SRF: variants seen among roughly 807,000 people sequenced by gnomAD.
SRF encodes serum response factor, also known as c-fos serum response element-binding transcription factor.
A neutral mutation model predicts 37.1 loss-of-function variants in SRF; 7 were observed. The ratio of observed to expected loss-of-function variants is 0.19; its 90% CI spans 0.11 to 0.35. The LOEUF is 0.35. Ranked by LOEUF, SRF falls within the 10% of genes least tolerant of loss-of-function variation. The pLI is 1.00. For synonymous variants in SRF, 285 were observed against 310.1 expected (o/e 0.92, Z 0.85); for missense variants, 395 against 694.4 (o/e 0.57, Z 4.85).
At position 43,181,028 on chromosome 6, in the gene SRF, G is replaced by C. The variant is rs996983392; in HGVS notation, c.*1838G>C. 6.6e-6 allele frequency: 1 copy of C among 152,602 alleles called. No individual in the cohort carries two copies. Among genetic ancestry groups the C allele is most frequent in the African/African-American group, 2.4e-5 (1 of 41,400 alleles). The allele number at this position is 152,602 out of a possible 1,614,324, so 9.5% of individuals were successfully genotyped here. A position where few individuals can be genotyped will look rare whatever the true frequency, so the allele number is the denominator to read the frequency against. ...GCAAATCAGGGGCCAGAGAGCAGGG[G>C]AGCTTGGGACTCAGGTCTGTAACTG... On this transcript the variant is annotated 3_prime_UTR_variant, in exon 7 of 7. Coordinates refer to ENST00000265354, the MANE Select transcript of SRF (RefSeq NM_003131.4).
In SRF at chr6:43,171,499, G is replaced by A; in HGVS notation, c.-158G>A. The A allele has an allele frequency of 1.3e-6, 1 of 779,458 alleles. No individual in the cohort carries two copies. The highest frequency in any genetic ancestry group is 6.3e-5 in the South Asian group (1 of 15,904). The allele number at this position is 779,458 out of a possible 1,614,324, so 48.3% of individuals were successfully genotyped here. A position where few individuals can be genotyped will look rare whatever the true frequency, so the allele number is the denominator to read the frequency against. On this transcript the variant is annotated 5_prime_UTR_variant, in exon 1 of 7. Transcript: ENST00000265354. The surrounding 1 kb of genome is among the most constrained non-coding windows in gnomAD (Gnocchi z 6.5). ...GGAAAGTGAGGGCCCAGGTCGGCCCGGGCGTGCAGGGGCCCCGGGTTCGCA... is the reference window on the plus strand; with the variant it reads ...GGAAAGTGAGGGCCCAGGTCGGCCCAGGCGTGCAGGGGCCCCGGGTTCGCA...
rs1478299415 is a variant in SRF, at chr6:43,172,367, C to T, written c.513+198C>T. ...GGAAATGTGGGGAGAGGGGAGATCC[C>T]GCGAACGCTCGCAACCGTGGGGAAA... On this transcript the variant is annotated intron_variant, in intron 1 of 6. Transcript: ENST00000265354. This position sits in a 1 kb window ranked among gnomAD's most constrained non-coding sequence, Gnocchi z 5.7. 5 of 985,134 alleles carry T rather than the reference C, an allele frequency of 5.1e-6. No homozygotes were observed. The African/African-American group carries it at 8.7e-5, about 17-fold the overall frequency. The allele number at this position is 985,134 out of a possible 1,614,324, so 61.0% of individuals were successfully genotyped here.
rs1167396470 is a variant in SRF, at chr6:43,179,662, CAG to C, written c.*473_*474del. On this transcript the variant is annotated 3_prime_UTR_variant, in exon 7 of 7. Transcript: ENST00000265354. The surrounding 1 kb of genome is among the most constrained non-coding windows in gnomAD (Gnocchi z 5.3). ...TCAAAAGAGCCCTGGCTCTGCCCCT[CAG>C]GGGGCCAGCTGGGGAGATGGGGGCT... The C allele has an allele frequency of 5.4e-6, 1 of 183,802 alleles. No homozygotes were observed. The highest frequency in any genetic ancestry group is 1.2e-5 in the Non-Finnish European group (1 of 85,532). The allele number at this position is 183,802 out of a possible 1,614,324, so 11.4% of individuals were successfully genotyped here. A position where few individuals can be genotyped will look rare whatever the true frequency, so the allele number is the denominator to read the frequency against.
rs760651185 is a variant in SRF at position 43,171,356 on chromosome 6, C to T, written c.-301C>T. ...TCCCGGCCCCCTCCACCCGCCGTCT[C>T]GGCCGCGGCCAGCAGCCCCTGCCCC... On this transcript the variant is annotated 5_prime_UTR_variant, in exon 1 of 7. Coordinates refer to ENST00000265354, the MANE Select transcript of SRF (RefSeq NM_003131.4). This position sits in a 1 kb window ranked among gnomAD's most constrained non-coding sequence, Gnocchi z 6.5. The T allele has an allele frequency of 1.3e-3, 249 of 194,946 alleles. 2 individuals are homozygous for T. Among genetic ancestry groups the T allele is most frequent in the Non-Finnish European group, 2.0e-3 (198 of 96,722 alleles). The allele number at this position is 194,946 out of a possible 1,614,324, so 12.1% of individuals were successfully genotyped here. A position where few individuals can be genotyped will look rare whatever the true frequency, so the allele number is the denominator to read the frequency against.
chr6:43,172,353 G>T lies in SRF; in HGVS notation c.513+184G>T. ...GGAGGGGCCGCCGGGGAAATGTGGG[G>T]AGAGGGGAGATCCCGCGAACGCTCG... is the stretch of plus-strand genomic sequence containing the variant. On this transcript the variant is annotated intron_variant, in intron 1 of 6. Transcript: ENST00000265354. The surrounding 1 kb of genome is among the most constrained non-coding windows in gnomAD (Gnocchi z 5.7). 1 of 985,296 alleles carries T rather than the reference G, an allele frequency of 1.0e-6. No individual in the cohort carries two copies. The highest frequency in any genetic ancestry group is 1.2e-6 in the Non-Finnish European group (1 of 829,880). The allele number at this position is 985,296 out of a possible 1,614,324, so 61.0% of individuals were successfully genotyped here. A position where few individuals can be genotyped will look rare whatever the true frequency, so the allele number is the denominator to read the frequency against.
At position 43,179,083 on chromosome 6, in the gene SRF, C is replaced by T; in HGVS notation, c.1432-12C>T. 2 of 1,613,936 alleles carry T rather than the reference C, an allele frequency of 1.2e-6. No homozygotes were observed. The highest frequency in any genetic ancestry group is 1.3e-5 in the African/African-American group (1 of 75,066). On this transcript the variant is annotated splice_polypyrimidine_tract_variant and intron_variant, in intron 6 of 6. Transcript: ENST00000265354. The surrounding 1 kb of genome is among the most constrained non-coding windows in gnomAD (Gnocchi z 5.3). ...AGTCCCTGCCCCTCCTCATACATCC[C>T]CTTCCCTCCAGATGGCTGTGATAGG...
chr6:43,177,942 T>G (rs183252794), intron 4 of SRF, among the ~76,000 whole-genome samples: 44 of 145,812 alleles, frequency 3.0e-4, no homozygotes, highest in Non-Finnish European at 5.6e-4. Flanking sequence ...GGAGGGAGAA[T>G]GAGAACAAAT....
In SRF at chr6:43,179,151, G is replaced by A. The variant is rs1265840112; in HGVS notation, c.1488G>A (p.Val496=). ...GCAGCAACCTCACCGAGCTACAGGT[G>A]GTGAACCTGGACACCGCCCACAGCA... ...GSSSNLTELQ[V]VNLDTAHSTK... The change falls in exon 7 of 7, where the codon GTG becomes GTA. Residue 496 remains valine (V), a synonymous_variant. Transcript: ENST00000265354. This position sits in a 1 kb window ranked among gnomAD's most constrained non-coding sequence, Gnocchi z 5.3. 1 of 1,614,240 alleles carries A rather than the reference G, an allele frequency of 6.2e-7. No individual in the cohort carries two copies.
At position 43,171,517 on chromosome 6, in the gene SRF, G is replaced by T; in HGVS notation, c.-140G>T. 1 of 984,594 alleles carries T rather than the reference G, an allele frequency of 1.0e-6. No homozygotes were observed. Among genetic ancestry groups the T allele is most frequent in the South Asian group, 5.0e-5 (1 of 20,018 alleles). 61.0% of individuals were successfully genotyped at this position (984,594 alleles called of 1,614,324 possible). On this transcript the variant is annotated 5_prime_UTR_variant, in exon 1 of 7. Coordinates refer to ENST00000265354, the MANE Select transcript of SRF (RefSeq NM_003131.4). This position sits in a 1 kb window ranked among gnomAD's most constrained non-coding sequence, Gnocchi z 6.5. ...TCGGCCCGGGCGTGCAGGGGCCCCG[G>T]GTTCGCAGCGGCGGCCGCGGCAGCG...
rs546189101 is a variant in SRF at position 43,179,591 on chromosome 6, C to T, written c.*401C>T. 8.0e-6 allele frequency: 2 copies of T among 250,856 alleles called. No individual in the cohort carries two copies. The highest frequency in any genetic ancestry group is 4.4e-5 in the African/African-American group (2 of 44,978). The allele number at this position is 250,856 out of a possible 1,614,324, so 15.5% of individuals were successfully genotyped here. A position where few individuals can be genotyped will look rare whatever the true frequency, so the allele number is the denominator to read the frequency against. ...GAAGCAGTTGGGGCCCTCTTGCCAG[C>T]CTCCTTGCTGACCCCAGGTCAGCCC... On this transcript the variant is annotated 3_prime_UTR_variant, in exon 7 of 7. Coordinates refer to ENST00000265354, the MANE Select transcript of SRF (RefSeq NM_003131.4). This position sits in a 1 kb window ranked among gnomAD's most constrained non-coding sequence, Gnocchi z 5.3.
chr6:43,178,471 A>G lies in SRF; in HGVS notation c.1340A>G (p.Gln447Arg), dbSNP rs1160926538. 2 of 1,613,464 alleles carry G rather than the reference A, an allele frequency of 1.2e-6. No individual in the cohort carries two copies. Among genetic ancestry groups the G allele is most frequent in the South Asian group, 1.1e-5 (1 of 91,072 alleles). The change falls in exon 5 of 7, where the codon CAG (glutamine) becomes CGG (arginine). Residue 447 changes from glutamine to arginine, a missense_variant. Gln to Arg is a conservative substitution (Grantham distance 43, BLOSUM62 1). Transcript: ENST00000265354. The surrounding 1 kb of genome is among the most constrained non-coding windows in gnomAD (Gnocchi z 4.3). ...TCCACCATGCAGGTGTCACACAGCC[A>G]GGTCCAGGAGCCAGGTGAGTAGAGG... ...APSTMQVSHS[Q>R]VQEPGGVPQV...
At chr6:43,174,232 G>C (rs150385837) in intron 2 of SRF, 119 bp downstream of exon 2, 1 of 1,303,118 alleles carries the variant, frequency 7.7e-7, no homozygotes, top group Admixed American at 2.4e-5. Context: ...AACGACCCTC[G>C]TCCTAGGGGA....
In SRF at chr6:43,172,797, T is replaced by C. The variant is rs778233228; in HGVS notation, c.513+628T>C. 2.0e-5 allele frequency among the ~76,000 whole-genome samples: 3 copies of C among 152,150 alleles called. No individual in the cohort carries two copies. Among genetic ancestry groups the C allele is most frequent in the African/African-American group, 7.2e-5 (3 of 41,432 alleles). ...GCATCCACTGGGAACCACATGCTCC[T>C]GGCAGGACCCGCTGCAGAATCTCCT... On this transcript the variant is annotated intron_variant, in intron 1 of 6. Transcript: ENST00000265354. The surrounding 1 kb of genome is among the most constrained non-coding windows in gnomAD (Gnocchi z 5.7).
chr6:43,178,564 T>C lies in SRF; in HGVS notation c.1354+79T>C. 1 of 1,470,740 alleles carries C rather than the reference T, an allele frequency of 6.8e-7. No individual in the cohort carries two copies. Among genetic ancestry groups the C allele is most frequent in the Non-Finnish European group, 9.3e-7 (1 of 1,073,570 alleles). The allele number at this position is 1,470,740 out of a possible 1,614,324, so 91.1% of individuals were successfully genotyped here. ...ACACACACACACACATACACACACA[T>C]ATGCACTGATGCCTACAAATATTTC... On this transcript the variant is annotated intron_variant, in intron 5 of 6. Transcript: ENST00000265354. This position sits in a 1 kb window ranked among gnomAD's most constrained non-coding sequence, Gnocchi z 4.3.
At position 43,179,468 on chromosome 6, in the gene SRF, C is replaced by T. The variant is rs1389891298; in HGVS notation, c.*278C>T. On this transcript the variant is annotated 3_prime_UTR_variant, in exon 7 of 7. Coordinates refer to ENST00000265354, the MANE Select transcript of SRF (RefSeq NM_003131.4). This position sits in a 1 kb window ranked among gnomAD's most constrained non-coding sequence, Gnocchi z 5.3. The stretch of plus-strand genomic sequence containing the variant: ...CTGGGACCCCCTCGCCAGCTTGGCT[C>T]GATGTTTGCCATGAGTATTAGCTTA... 9 of 491,872 alleles carry T rather than the reference C, an allele frequency of 1.8e-5. No homozygotes were observed. Among genetic ancestry groups the T allele is most frequent in the South Asian group, 1.2e-4 (6 of 48,914 alleles). 30.5% of individuals were successfully genotyped at this position (491,872 alleles called of 1,614,324 possible). A position where few individuals can be genotyped will look rare whatever the true frequency, so the allele number is the denominator to read the frequency against.
In SRF at chr6:43,179,551, G is replaced by A. The variant is rs563876627; in HGVS notation, c.*361G>A. ...CAGGCCTTCTGTGGGGCTGGGCACC[G>A]TGTCCTCCTCTGAGGAAGCAGTTGG... is the stretch of plus-strand genomic sequence containing the variant. On this transcript the variant is annotated 3_prime_UTR_variant, in exon 7 of 7. Transcript: ENST00000265354. This position sits in a 1 kb window ranked among gnomAD's most constrained non-coding sequence, Gnocchi z 5.3. 8.1e-5 allele frequency: 24 copies of A among 295,434 alleles called. No homozygotes were observed. The highest frequency in any genetic ancestry group is 1.3e-4 in the South Asian group (4 of 29,752). 18.3% of individuals were successfully genotyped at this position (295,434 alleles called of 1,614,324 possible). A position where few individuals can be genotyped will look rare whatever the true frequency, so the allele number is the denominator to read the frequency against.
At position 43,174,081 on chromosome 6, in the gene SRF, G is replaced by C; in HGVS notation, c.748G>C (p.Val250Leu). Reference protein sequence around the residue: ...GFEETDLTYQVSESDSSGETK... With the variant: ...GFEETDLTYQLSESDSSGETK... ...TGAAGAGACAGATCTCACCTACCAG[G>C]TGTCGGAGTCTGACAGCAGTGGGGA... The change falls in exon 2 of 7, where the codon GTG becomes CTG. Residue 250 changes from valine to leucine, a missense_variant. Around this residue, in one of 4 missense-constraint regions of SRF, gnomAD observed 20 missense variants for 37.2 expected, o/e 0.54. Transcript: ENST00000265354. The C allele has an allele frequency of 6.2e-7, 1 of 1,614,210 alleles. No individual in the cohort carries two copies. Among genetic ancestry groups the C allele is most frequent in the Non-Finnish European group, 8.5e-7 (1 of 1,180,030 alleles).
rs1772204329 is a variant in SRF, at chr6:43,176,689, C to T, written c.1162+22C>T. The T allele has an allele frequency of 6.2e-6, 10 of 1,609,008 alleles. No individual in the cohort carries two copies. Among genetic ancestry groups the T allele is most frequent in the Non-Finnish European group, 8.5e-6 (10 of 1,176,174 alleles). On this transcript the variant is annotated intron_variant, in intron 4 of 6. Transcript: ENST00000265354. This position sits in a 1 kb window ranked among gnomAD's most constrained non-coding sequence, Gnocchi z 4.0. Reference sequence around the variant, plus strand: ...ACAGGTATAGCTCGCAGCCCTGTCACCCTCCCTCCCTGCCTTCCCCCACGA... The same window carrying T: ...ACAGGTATAGCTCGCAGCCCTGTCATCCTCCCTCCCTGCCTTCCCCCACGA...
At position 43,181,153 on chromosome 6, in the gene SRF, C is replaced by T. The variant is rs540025420; in HGVS notation, c.*1963C>T. On this transcript the variant is annotated 3_prime_UTR_variant, in exon 7 of 7. Coordinates refer to ENST00000265354, the MANE Select transcript of SRF (RefSeq NM_003131.4). ...GAGACCTTTGATGAATTCTTCCTCT[C>T]CTTCCCACAAAAGACAGACCCAGTG... 1 of 152,890 alleles carries T rather than the reference C, an allele frequency of 6.5e-6. No individual in the cohort carries two copies. Among genetic ancestry groups the T allele is most frequent in the East Asian group, 1.9e-4 (1 of 5,184 alleles). The allele number at this position is 152,890 out of a possible 1,614,324, so 9.5% of individuals were successfully genotyped here.
Sources: gnomAD v4.1 joint callset for allele counts (sites outside exome capture counted in the v4.1 genomes callset) on GRCh38, gnomAD v4.1.1 for gene constraint, gnomAD v4.1.1 regional missense constraint, Gnocchi (gnomAD v3.1) non-coding constraint, MANE v1.5 for transcripts, NCBI Gene and HGNC (gene_info 2026-07-23, HGNC 2026-07-21) for gene names.